The following TACR1 variants were observed in gnomAD, a reference collection of about 807,000 sequenced individuals.
The protein encoded by TACR1 is tachykinin receptor 1, also known as substance-P receptor.
TACR1 carries 25 observed loss-of-function variants against 35.8 expected under a neutral mutation model. That is an observed-to-expected ratio of 0.70 (90% CI 0.51 to 0.98). The LOEUF is 0.98. TACR1 is among the 50% of genes least tolerant of loss of function. The probability of loss-of-function intolerance (pLI) is 0.00; values close to 1 mark genes in which losing one functional copy is unlikely to be tolerated. For missense variants in TACR1, 478 were observed against 522.9 expected, an observed-to-expected ratio of 0.91 and a Z score of 0.84; for synonymous variants, 195 against 206.7, an observed-to-expected ratio of 0.94 and a Z score of 0.48.
At chr2:75,196,866 C>T (rs1376945821) in intron 1 of TACR1, among the ~76,000 whole-genome samples, 7 of 152,178 alleles carry the variant, frequency 4.6e-5, no homozygotes, top group Non-Finnish European at 1.0e-4. Context: ...AACTTGCCCT[C>T]TAATTTAGGG....
chr2:75,121,007 A>G (rs1310552776), intron 1 of TACR1, among the ~76,000 whole-genome samples: 1 of 152,258 alleles, frequency 6.6e-6, no homozygotes, highest in East Asian at 1.9e-4. Flanking sequence ...CCTATCTAGC[A>G]GCATTCAAGG....
At chr2:75,171,108 C>T (rs1477349876) in intron 1 of TACR1, among the ~76,000 whole-genome samples, 3 of 152,214 alleles carry the variant, frequency 2.0e-5, no homozygotes, top group African/African-American at 7.2e-5. Context: ...CAGCCCCTCC[C>T]ATCACAAACC....
At chr2:75,171,551 C>T (rs936607198) in intron 1 of TACR1, among the ~76,000 whole-genome samples, 5 of 152,170 alleles carry the variant, frequency 3.3e-5, no homozygotes, top group African/African-American at 9.7e-5. Flanking sequence ...ATCCACCGAC[C>T]GCTTGCACTA....
At position 75,099,769 on chromosome 2, in the gene TACR1, A is replaced by G. The variant is rs531476369; in HGVS notation, c.584+20805T>C. On this transcript the variant is annotated intron_variant, in intron 2 of 4. Transcript: ENST00000305249. ...CCCTTTTATCAAGTCCTCCTTTTCT[A>G]TCGACTTCCTCAGGGCTTTTTCTAG... Among the ~76,000 whole-genome samples the G allele has an allele frequency of 3.9e-5, 6 of 152,096 alleles. No individual in the cohort carries two copies. In the South Asian group the frequency reaches 1.0e-3, roughly 26 times the overall value.
At chr2:75,132,580 G>C (rs1415921026) in intron 1 of TACR1, among the ~76,000 whole-genome samples, 1 of 152,020 alleles carries the variant, frequency 6.6e-6, no homozygotes, top group East Asian at 1.9e-4. Context: ...AACTCTAATA[G>C]CTTAAGTCTC....
intron 2 of TACR1, among the ~76,000 whole-genome samples, chr2:75,070,045 C>T (rs1438030251): frequency 6.6e-6 from 1 of 152,086 alleles, no homozygotes; most frequent in Admixed American, 6.6e-5. Context: ...GGAGGTTTGT[C>T]TATTCTATCT....
At chr2:75,136,668 G>C (rs1674298721) in intron 1 of TACR1, among the ~76,000 whole-genome samples, 1 of 152,144 alleles carries the variant, frequency 6.6e-6, no homozygotes, top group African/African-American at 2.4e-5. Flanking sequence ...CATCAAAAAT[G>C]GTCAAAGTCA....
chr2:75,087,364 C>T (rs996840448), intron 2 of TACR1, among the ~76,000 whole-genome samples: 4 of 152,180 alleles, frequency 2.6e-5, no homozygotes, highest in Non-Finnish European at 5.9e-5. Context: ...AGTAGTTCTT[C>T]CCCAAAGACT....
rs1329260406 is a variant in TACR1 at position 75,178,258 on chromosome 2, C to T, written c.389+20288G>A. On this transcript the variant is annotated intron_variant, in intron 1 of 4. Transcript: ENST00000305249. ...GGAGTGCAGTGGTGTCATCTCGGCT[C>T]ACTGCAACCTCTGCCTCCTGGGTTC... Among the ~76,000 whole-genome samples the T allele has an allele frequency of 2.0e-5, 3 of 151,734 alleles. No homozygotes were observed. In the East Asian group the frequency reaches 5.8e-4, roughly 29 times the overall value.
chr2:75,140,306 T>C (rs893295761), intron 1 of TACR1, among the ~76,000 whole-genome samples: 1 of 152,056 alleles, frequency 6.6e-6, no homozygotes, highest in Admixed American at 6.5e-5. Context: ...GGGTGGAATG[T>C]TGGAAGTGGC....
intron 1 of TACR1, among the ~76,000 whole-genome samples, chr2:75,157,109 C>T (rs1382666144): frequency 6.6e-6 from 1 of 152,092 alleles, no homozygotes; most frequent in Non-Finnish European, 1.5e-5. Context: ...GGGATTATCT[C>T]ATCAGCTTGT....
chr2:75,077,812 C>T (rs796625010), intron 2 of TACR1, among the ~76,000 whole-genome samples: 7 of 152,246 alleles, frequency 4.6e-5, no homozygotes, highest in African/African-American at 1.7e-4. Flanking sequence ...AGGGAAGGCC[C>T]CCAGGAACAT....
At chr2:75,143,508 G>C (rs889567008) in intron 1 of TACR1, among the ~76,000 whole-genome samples, 1 of 152,194 alleles carries the variant, frequency 6.6e-6, no homozygotes, top group Non-Finnish European at 1.5e-5. Flanking sequence ...ATTACTGTGT[G>C]TAGGCATTGT....
chr2:75,118,079 G>T (rs2103901689), intron 2 of TACR1, among the ~76,000 whole-genome samples: 1 of 152,254 alleles, frequency 6.6e-6, no homozygotes, highest in Non-Finnish European at 1.5e-5. Flanking sequence ...TTATTATACT[G>T]CCTCAAAACA....
chr2:75,180,211 C>T (rs1021594160), intron 1 of TACR1, among the ~76,000 whole-genome samples: 3 of 152,142 alleles, frequency 2.0e-5, no homozygotes, highest in Non-Finnish European at 2.9e-5. Flanking sequence ...TTACCCTTGT[C>T]GGTACTCAAA....
intron 2 of TACR1, among the ~76,000 whole-genome samples, chr2:75,090,235 T>G (rs1673282281): frequency 1.3e-5 from 2 of 152,204 alleles, no homozygotes; most frequent in Non-Finnish European, 2.9e-5. Context: ...TATGATATAA[T>G]TTACTTTGTA....
rs373800679 is a variant in TACR1, at chr2:75,047,348, C to T, written c.*2084G>A. Reference sequence around the variant, plus strand: ...CTCCAAGACTGCTGGGCAGCTTAGACTCACTAGGACTGGTGAGTTAGTTAG... The same window carrying T: ...CTCCAAGACTGCTGGGCAGCTTAGATTCACTAGGACTGGTGAGTTAGTTAG... On this transcript the variant is annotated 3_prime_UTR_variant, in exon 5 of 5. Coordinates refer to ENST00000305249, the MANE Select transcript of TACR1 (RefSeq NM_001058.4). 6.6e-6 allele frequency: 1 copy of T among 152,238 alleles called. No individual in the cohort carries two copies. The highest frequency in any genetic ancestry group is 2.4e-5 in the African/African-American group (1 of 41,450). The allele number at this position is 152,238 out of a possible 1,614,324, so 9.4% of individuals were successfully genotyped here.
intron 2 of TACR1, among the ~76,000 whole-genome samples, chr2:75,061,310 C>G (rs1395416179): frequency 6.6e-6 from 1 of 151,924 alleles, no homozygotes; most frequent in Non-Finnish European, 1.5e-5. Flanking sequence ...ATCAGAGACC[C>G]AGGGCAGATT....
chr2:75,096,910 A>G (rs893291331), intron 2 of TACR1, among the ~76,000 whole-genome samples: 1 of 152,160 alleles, frequency 6.6e-6, no homozygotes, highest in African/African-American at 2.4e-5. Flanking sequence ...CTCACACCCC[A>G]TTCTATTACA....
Sources: allele counts gnomAD v4.1 joint callset (sites outside exome capture counted in the v4.1 genomes callset), GRCh38; gene constraint gnomAD v4.1.1; transcripts MANE v1.5; gene names NCBI Gene and HGNC (gene_info 2026-07-23, HGNC 2026-07-21).